CNKSR3: variants seen among roughly 807,000 people sequenced by gnomAD.
The protein encoded by CNKSR3 is connector enhancer of kinase suppressor of ras 3.
A neutral mutation model predicts 67.7 loss-of-function variants in CNKSR3; 36 were observed. That is an observed-to-expected ratio of 0.53 (90% CI 0.41 to 0.70). CNKSR3 has a LOEUF of 0.70. CNKSR3 is among the 30% of genes least tolerant of loss of function. The pLI, the probability that CNKSR3 is intolerant of heterozygous loss-of-function variation, is 0.00. For synonymous variants in CNKSR3, 281 were observed against 271.4 expected (o/e 1.04, Z -0.35); for missense variants, 630 against 695.2 (o/e 0.91, Z 1.05).
chr6:154,453,574 A>G (rs1035447226), intron 1 of CNKSR3, among the ~76,000 whole-genome samples: 1 of 152,210 alleles, frequency 6.6e-6, no homozygotes, highest in Non-Finnish European at 1.5e-5. Flanking sequence ...TAGCCTGAAG[A>G]CTTTGTCCTC....
chr6:154,500,216 G>A (rs1786968612), intron 1 of CNKSR3, among the ~76,000 whole-genome samples: 1 of 151,072 alleles, frequency 6.6e-6, no homozygotes. Flanking sequence ...GTGAGAACAT[G>A]CAAAATTGTT....
At chr6:154,488,269 T>C (rs149914746) in intron 1 of CNKSR3, among the ~76,000 whole-genome samples, 29 of 152,362 alleles carry the variant, frequency 1.9e-4, no homozygotes, top group African/African-American at 7.0e-4. Flanking sequence ...ACAGATTGAT[T>C]TCACATCATT....
At chr6:154,505,894 G>A (rs567507164) in intron 1 of CNKSR3, among the ~76,000 whole-genome samples, 2 of 152,232 alleles carry the variant, frequency 1.3e-5, no homozygotes, top group South Asian at 4.2e-4. Context: ...CGTCTTCCTC[G>A]TCGAAGGCAC....
At chr6:154,501,051 T>C (rs1335312648) in intron 1 of CNKSR3, among the ~76,000 whole-genome samples, 1 of 152,180 alleles carries the variant, frequency 6.6e-6, no homozygotes, top group Non-Finnish European at 1.5e-5. Context: ...TAAATGACCA[T>C]CATACTTGGC....
chr6:154,441,350 G>A lies in CNKSR3; in HGVS notation c.449C>T (p.Ser150Leu), dbSNP rs777053677. 3 of 1,613,774 alleles carry A rather than the reference G, an allele frequency of 1.9e-6. No homozygotes were observed. Among genetic ancestry groups the A allele is most frequent in the Non-Finnish European group, 2.5e-6 (3 of 1,179,892 alleles). ...CTGGATAATTTTGTTCTTCGTGACT[G>A]AGAAATCAGTGATCCCTGTAAACGG... is the stretch of plus-strand genomic sequence containing the variant. Reference protein sequence around the residue: ...RAPFTGITDFSVTKNKIIQLC... With the variant: ...RAPFTGITDFLVTKNKIIQLC... Residue 150 changes from serine to leucine, a missense_variant, in exon 4 of 13, where the codon TCA (serine) becomes TTA (leucine). Coordinates refer to ENST00000607772, the MANE Select transcript of CNKSR3 (RefSeq NM_173515.4).
rs764951129 is a variant in CNKSR3, at chr6:154,406,576, G to A, written c.1446C>T (p.Tyr482=). The A allele has an allele frequency of 1.9e-6, 3 of 1,614,210 alleles. No individual in the cohort carries two copies. In the South Asian group the frequency reaches 3.3e-5, roughly 18 times the overall value. The change falls in exon 13 of 13, where the codon TAC becomes TAT. Residue 482 remains tyrosine (Y), a synonymous_variant. Transcript: ENST00000607772. The part of the protein sequence containing the change: ...PIIEESSSPP[Y]RFSRPTTERH... ...GCTCGGTCGTGGGTCTGGAGAACCG[G>A]TATGGGGGAGAGGAGCTCTCTTCAA...
At chr6:154,475,865 A>T (rs1786434853) in intron 1 of CNKSR3, among the ~76,000 whole-genome samples, 1 of 149,644 alleles carries the variant, frequency 6.7e-6, no homozygotes, top group African/African-American at 2.5e-5. Context: ...CACCATTGTC[A>T]AAGATGATAA....
chr6:154,430,896 C>T (rs1785353383), intron 5 of CNKSR3, among the ~76,000 whole-genome samples: 1 of 151,904 alleles, frequency 6.6e-6, no homozygotes, highest in African/African-American at 2.4e-5. Context: ...TCCCCAACCA[C>T]CTACCTGACT....
At chr6:154,505,863 C>G in intron 1 of CNKSR3, among the ~76,000 whole-genome samples, 1 of 152,168 alleles carries the variant, frequency 6.6e-6, no homozygotes, top group Non-Finnish European at 1.5e-5. Flanking sequence ...TAGGACAGTT[C>G]TGCTGGGACA....
At chr6:154,482,693 C>A (rs1423501495) in intron 1 of CNKSR3, among the ~76,000 whole-genome samples, 1 of 152,156 alleles carries the variant, frequency 6.6e-6, no homozygotes, top group African/African-American at 2.4e-5. Flanking sequence ...ACCCCCAACT[C>A]TGGGAAAGGA....
chr6:154,432,618 T>C (rs527539786), intron 5 of CNKSR3, among the ~76,000 whole-genome samples: 1 of 152,342 alleles, frequency 6.6e-6, no homozygotes, highest in South Asian at 2.1e-4. Flanking sequence ...TTTTCCCCTA[T>C]GTTATCTTTT....
At chr6:154,420,688 CAAAAAAAAAAA>C (rs1166654953) in intron 9 of CNKSR3, among the ~76,000 whole-genome samples, 4 of 79,390 alleles carry the variant, frequency 5.0e-5, no homozygotes, top group Admixed American at 1.5e-4. Context: ...GACTCCGTCT[CAAAAAAAAAAA>C]AAAAAAAAAA....
chr6:154,439,151 T>C (rs952851250), intron 4 of CNKSR3, among the ~76,000 whole-genome samples: 1 of 152,148 alleles, frequency 6.6e-6, no homozygotes, highest in Non-Finnish European at 1.5e-5. Flanking sequence ...CCTGTGCGCC[T>C]TCCCTCCCTA....
At chr6:154,410,025 T>C (rs1189298041) in intron 12 of CNKSR3, among the ~76,000 whole-genome samples, 1 of 152,162 alleles carries the variant, frequency 6.6e-6, no homozygotes, top group African/African-American at 2.4e-5. Flanking sequence ...CCAGCCTGTG[T>C]AACAGAGCAA....
intron 1 of CNKSR3, among the ~76,000 whole-genome samples, chr6:154,458,795 A>G (rs1309373553): frequency 6.6e-6 from 1 of 152,088 alleles, no homozygotes; most frequent in African/African-American, 2.4e-5. Context: ...CACACTACTA[A>G]TTGCAGCTCT....
At chr6:154,478,487 CAT>C (rs1786500581) in intron 1 of CNKSR3, 1 of 152,428 alleles carries the variant, frequency 6.6e-6, no homozygotes, top group Non-Finnish European at 1.5e-5. Context: ...CGTGTTTATT[CAT>C]GTGTCTGACG....
intron 9 of CNKSR3, among the ~76,000 whole-genome samples, chr6:154,417,140 T>C (rs1325454442): frequency 6.6e-6 from 1 of 152,256 alleles, no homozygotes; most frequent in Non-Finnish European, 1.5e-5. Context: ...GCCTCTTTTC[T>C]GACTTTCCAA....
intron 4 of CNKSR3, among the ~76,000 whole-genome samples, chr6:154,437,390 T>C (rs548309348): frequency 2.6e-4 from 40 of 151,162 alleles, no homozygotes; most frequent in Admixed American, 4.6e-4. Context: ...AATATCACCA[T>C]TTGGCAAAGC....
At chr6:154,435,563 C>A (rs1415401672) in intron 4 of CNKSR3, among the ~76,000 whole-genome samples, 1 of 152,242 alleles carries the variant, frequency 6.6e-6, no homozygotes, top group African/African-American at 2.4e-5. Flanking sequence ...TCCCTCTCAC[C>A]TCCCGCCACT....
Sources: allele counts gnomAD v4.1 joint callset (sites outside exome capture counted in the v4.1 genomes callset), GRCh38; gene constraint gnomAD v4.1.1; transcripts MANE v1.5; gene names NCBI Gene and HGNC (gene_info 2026-07-23, HGNC 2026-07-21).